The following RBM26 variants were observed in gnomAD, a reference collection of about 807,000 sequenced individuals.
The protein encoded by RBM26 is RNA-binding protein 26.
In RBM26, 30 loss-of-function variants were observed where a neutral mutation model predicts 123.6. The observed-to-expected ratio is 0.24, with a 90% CI of 0.18 to 0.33. The LOEUF is 0.33. Among genes scored for constraint, RBM26 ranks in the 10% least tolerant of loss-of-function variants. The pLI is 1.00. For missense variants in RBM26, 947 were observed against 1,203.6 expected, an observed-to-expected ratio of 0.79 and a Z score of 3.15; for synonymous variants, 400 against 404.4, an observed-to-expected ratio of 0.99 and a Z score of 0.13.
At chr13:79,369,729 A>G (rs936627043) in intron 5 of RBM26, among the ~76,000 whole-genome samples, 1 of 152,196 alleles carries the variant, frequency 6.6e-6, no homozygotes, top group Non-Finnish European at 1.5e-5. Context: ...ACATGTTGGG[A>G]ATGACACGCT....
intron 20 of RBM26, among the ~76,000 whole-genome samples, chr13:79,329,283 A>C (rs890863210): frequency 6.6e-6 from 1 of 152,058 alleles, no homozygotes; most frequent in Non-Finnish European, 1.5e-5. Flanking sequence ...TTAAATGCAA[A>C]GTATCAGTAT....
At chr13:79,378,685 C>G in intron 2 of RBM26, 104 bp downstream of exon 2, 2 of 595,388 alleles carry the variant, frequency 3.4e-6, no homozygotes, top group Non-Finnish European at 5.8e-6. Context: ...GGTGATCCAC[C>G]CACCTCAGCC....
At chr13:79,347,335 T>C (rs1042085017) in intron 14 of RBM26, among the ~76,000 whole-genome samples, 3 of 152,320 alleles carry the variant, frequency 2.0e-5, no homozygotes, top group Admixed American at 2.0e-4. Flanking sequence ...TGTCTAACAA[T>C]TATAAGACAC....
intron 1 of RBM26, among the ~76,000 whole-genome samples, chr13:79,382,948 A>G (rs2077176941): frequency 6.6e-6 from 1 of 152,284 alleles, no homozygotes; most frequent in South Asian, 2.1e-4. Flanking sequence ...AATGTCAGAG[A>G]GAACTTGGTA....
intron 19 of RBM26, among the ~76,000 whole-genome samples, chr13:79,336,487 G>C (rs1354494452): frequency 6.6e-6 from 1 of 152,124 alleles, no homozygotes; most frequent in Non-Finnish European, 1.5e-5. Flanking sequence ...CACAGCATTT[G>C]AGATGAAAGG....
rs368938349 is a variant in RBM26 at position 79,375,096 on chromosome 13, TTA to T, written c.327+2281_327+2282del. On this transcript the variant is annotated intron_variant, in intron 3 of 21. Transcript: ENST00000438737. ...TTATATGATATATATAAATATATAT[TTA>T]TATATATCATATAAATATATATTTA... Among the ~76,000 whole-genome samples the T allele has an allele frequency of 5.5e-4, 52 of 95,250 alleles. 1 individual carries two copies. The highest frequency in any genetic ancestry group is 1.3e-3 in the East Asian group (3 of 2,304). 62.5% of individuals were successfully genotyped at this position (95,250 alleles called of 152,430 possible).
intron 10 of RBM26, among the ~76,000 whole-genome samples, 194 bp downstream of exon 10, chr13:79,359,381 C>A (rs1335933888): frequency 6.6e-6 from 1 of 152,132 alleles, no homozygotes; most frequent in Non-Finnish European, 1.5e-5. Flanking sequence ...AACTACCACA[C>A]CATTTCTGTA....
intron 9 of RBM26, among the ~76,000 whole-genome samples, chr13:79,361,588 A>C (rs1384161307): frequency 6.6e-6 from 1 of 152,122 alleles, no homozygotes. Flanking sequence ...CTATGAATAC[A>C]TCCCAGTCCT....
chr13:79,323,515 T>C lies in RBM26; in HGVS notation c.2821-1053A>G, dbSNP rs528738568. On this transcript the variant is annotated intron_variant, in intron 20 of 21. Transcript: ENST00000438737. Reference sequence around the variant, plus strand: ...ATATGTATTTTAGTTCCAGGACAATTTGCAATTTTTTGAAGCTATCACTGT... The same window carrying C: ...ATATGTATTTTAGTTCCAGGACAATCTGCAATTTTTTGAAGCTATCACTGT... Among the ~76,000 whole-genome samples the C allele has an allele frequency of 2.6e-5, 4 of 151,720 alleles. No individual in the cohort carries two copies. In the East Asian group the frequency reaches 5.8e-4, roughly 22 times the overall value.
At position 79,377,368 on chromosome 13, in the gene RBM26, C is replaced by A; in HGVS notation, c.327+11G>T. 1 of 1,611,636 alleles carries A rather than the reference C, an allele frequency of 6.2e-7. No individual in the cohort carries two copies. The highest frequency in any genetic ancestry group is 8.5e-7 in the Non-Finnish European group (1 of 1,177,926). On this transcript the variant is annotated intron_variant, in intron 3 of 21. Coordinates refer to ENST00000438737, the MANE Select transcript of RBM26 (RefSeq NM_001366735.2). ...TTAAATAACCTGTAAGGTATTAACACAAATCGTTACCTCTTCCTTCTTTAT... is the reference window on the plus strand; with the variant it reads ...TTAAATAACCTGTAAGGTATTAACAAAAATCGTTACCTCTTCCTTCTTTAT...
At chr13:79,312,451 C>T (rs1386633376) in exon 5 of RBM26, 1 of 152,018 alleles carries the variant, frequency 6.6e-6, no homozygotes, top group African/African-American at 2.4e-5. Flanking sequence ...ATGCAAAAAC[C>T]TACAATGCAA....
At chr13:79,357,745 T>C (rs982322212) in intron 11 of RBM26, among the ~76,000 whole-genome samples, 2 of 152,162 alleles carry the variant, frequency 1.3e-5, no homozygotes, top group South Asian at 4.1e-4. Flanking sequence ...TGTGATTAAC[T>C]TTGCTGTAGT....
chr13:79,368,037 T>TA (rs746248266), intron 6 of RBM26, among the ~76,000 whole-genome samples: 1 of 37,594 alleles, frequency 2.7e-5, no homozygotes, highest in East Asian at 3.7e-4. Flanking sequence ...TTATTTTTAT[T>TA]TTTTTTGAGA....
At chr13:79,380,430 G>A (rs1019611274) in intron 1 of RBM26, among the ~76,000 whole-genome samples, 23 of 151,742 alleles carry the variant, frequency 1.5e-4, no homozygotes, top group African/African-American at 5.3e-4. Flanking sequence ...AATAAACTAC[G>A]GCTATCTGGA....
intron 20 of RBM26, among the ~76,000 whole-genome samples, chr13:79,323,429 A>G (rs9545067): frequency 0.36 from 54,388 of 151,394 alleles, 11,485 homozygotes; most frequent in Middle Eastern, 0.52. Flanking sequence ...GCCTGTTCAA[A>G]TGCTGCTCAG....
At position 79,319,587 on chromosome 13, in the gene RBM26, T is replaced by G. The variant is rs546942264; in HGVS notation, c.*1034A>C. 5.1e-6 allele frequency: 5 copies of G among 983,000 alleles called. No homozygotes were observed. In the Admixed American group the frequency reaches 1.9e-4, roughly 37 times the overall value. The allele number at this position is 983,000 out of a possible 1,614,324, so 60.9% of individuals were successfully genotyped here. ...TATAGTACATTTCTTTATTCATATA[T>G]CTTCAAATGGTCAAGTTTTCTTTCA... On this transcript the variant is annotated 3_prime_UTR_variant, in exon 22 of 22. Transcript: ENST00000438737.
chr13:79,335,119 C>T (rs2070121721), intron 19 of RBM26, among the ~76,000 whole-genome samples: 1 of 151,992 alleles, frequency 6.6e-6, no homozygotes, highest in African/African-American at 2.4e-5. Flanking sequence ...CTTTATATAT[C>T]ATTATCAATA....
At chr13:79,393,574 C>A (rs892727836) in intron 1 of RBM26, among the ~76,000 whole-genome samples, 16 of 152,158 alleles carry the variant, frequency 1.1e-4, no homozygotes, top group African/African-American at 3.9e-4. Flanking sequence ...TTGTAAGAGA[C>A]CTGTACACAG....
intron 6 of RBM26, among the ~76,000 whole-genome samples, chr13:79,367,414 AAAAAAAAAAAAAAAAAAAG>A (rs1483705857): frequency 1.6e-5 from 1 of 61,870 alleles, no homozygotes; most frequent in African/African-American, 5.5e-5. Flanking sequence ...CTCAAAAAAA[AAAAAAAAAAAAAAAAAAAG>A]AAGAAGAAGA....
Sources: gnomAD v4.1 joint callset for allele counts (sites outside exome capture counted in the v4.1 genomes callset) on GRCh38, gnomAD v4.1.1 for gene constraint, MANE v1.5 for transcripts, NCBI Gene and HGNC (gene_info 2026-07-23, HGNC 2026-07-21) for gene names.